The following KCNAB2 variants were observed in gnomAD, a reference collection of about 807,000 sequenced individuals.
KCNAB2 encodes the protein voltage-gated potassium channel subunit beta-2.
Under a neutral mutation model 63.6 loss-of-function variants are expected in KCNAB2, and 29 were observed. The observed-to-expected ratio is 0.46, with a 90% CI of 0.34 to 0.62. KCNAB2 has a LOEUF of 0.62. Ranked by LOEUF, KCNAB2 falls within the 20% of genes least tolerant of loss-of-function variation. The pLI is 0.01. For missense variants in KCNAB2, 359 were observed against 563.9 expected (o/e 0.64, Z 3.68); for synonymous variants, 222 against 224.2 (o/e 0.99, Z 0.09).
chr1:6,091,338 TTC>T, intron 10 of KCNAB2, 31 bp downstream of exon 10: 1 of 1,465,276 alleles, frequency 6.8e-7, no homozygotes, highest in Non-Finnish European at 9.2e-7. Flanking sequence ...GACTATTGAC[TTC>T]TGTGTCCAAG....
At chr1:6,067,788 G>A (rs1398264915) in intron 2 of KCNAB2, among the ~76,000 whole-genome samples, 2 of 152,182 alleles carry the variant, frequency 1.3e-5, no homozygotes, top group Admixed American at 1.3e-4. Context: ...CCAGCACTTT[G>A]GGAGACTGAG....
At chr1:5,997,326 AG>A (rs1313671097) in intron 1 of KCNAB2, among the ~76,000 whole-genome samples, 1 of 152,042 alleles carries the variant, frequency 6.6e-6, no homozygotes, top group Non-Finnish European at 1.5e-5. Flanking sequence ...AGAAGGATGG[AG>A]GGAAGGAAGG....
chr1:6,097,175 T>C (rs919605538), intron 14 of KCNAB2, 94 bp from the exon 15 acceptor site: 2 of 1,363,788 alleles, frequency 1.5e-6, no homozygotes, highest in African/African-American at 1.5e-5. Flanking sequence ...CAGACCAAGA[T>C]GCTGGGTCTC....
upstream of KCNAB2, among the ~76,000 whole-genome samples, chr1:6,043,322 T>G (rs1660657260): frequency 6.6e-6 from 1 of 152,084 alleles, no homozygotes; most frequent in African/African-American, 2.4e-5. Flanking sequence ...GGCCTGCCCC[T>G]AGGAGGGGCC....
At chr1:6,057,223 A>G (rs1201856377) in intron 2 of KCNAB2, among the ~76,000 whole-genome samples, 1 of 151,772 alleles carries the variant, frequency 6.6e-6, no homozygotes, top group Non-Finnish European at 1.5e-5. Flanking sequence ...ACCCTTGGTC[A>G]TGAACTCCTG....
intron 1 of KCNAB2, among the ~76,000 whole-genome samples, chr1:6,002,986 C>A (rs544868606): frequency 0.02 from 3,078 of 152,310 alleles, 56 homozygotes; most frequent in Admixed American, 0.038. Flanking sequence ...GTCTCTGTGT[C>A]CCGGGTGAGA....
At chr1:6,031,623 A>G (rs141049624), upstream of KCNAB2, among the ~76,000 whole-genome samples, 1,545 of 152,068 alleles carry the variant, frequency 0.01, 26 homozygotes, top group African/African-American at 0.036. The surrounding 1 kb of genome is among the most constrained non-coding windows in gnomAD (Gnocchi z 4.1). Flanking sequence ...GCAGTGGCTC[A>G]CGCCTGTAAT....
At chr1:6,010,674 G>A (rs1347775609) in intron 1 of KCNAB2, among the ~76,000 whole-genome samples, 5 of 152,214 alleles carry the variant, frequency 3.3e-5, no homozygotes, top group African/African-American at 1.2e-4. Flanking sequence ...CCTCGTCCCT[G>A]CTCAGGTGAA....
At chr1:6,040,399 A>G (rs185031347) in intron 1 of KCNAB2, 10,463 of 642,106 alleles carry the variant, frequency 0.016, 448 homozygotes, top group East Asian at 0.15. Flanking sequence ...GGGCTCCCCG[A>G]TGCCCTGAAC....
chr1:6,095,464 C>T (rs771284905), intron 12 of KCNAB2, 21 bp downstream of exon 12: 34 of 1,611,366 alleles, frequency 2.1e-5, no homozygotes, highest in Admixed American at 3.3e-5. Flanking sequence ...TCGGGCCCCT[C>T]GCCCCGCCCC....
intron 1 of KCNAB2, among the ~76,000 whole-genome samples, chr1:6,048,646 G>C (rs985934681): frequency 1.3e-5 from 2 of 152,248 alleles, no homozygotes; most frequent in Non-Finnish European, 2.9e-5. Flanking sequence ...CAGCCTGGTC[G>C]GGCCAGGCAG....
At chr1:5,997,352 G>A (rs935686116) in intron 1 of KCNAB2, among the ~76,000 whole-genome samples, 36 of 152,134 alleles carry the variant, frequency 2.4e-4, no homozygotes, top group Admixed American at 7.8e-4. Context: ...GAGAGGGCAG[G>A]AGGGGAGAGC....
intron 1 of KCNAB2, among the ~76,000 whole-genome samples, chr1:6,049,500 GC>G (rs1049105823): frequency 5.3e-5 from 8 of 152,138 alleles, no homozygotes; most frequent in Admixed American, 3.3e-4. Flanking sequence ...GGGAAACGCA[GC>G]CCCCCCACCC....
chr1:6,004,771 A>C (rs753857749), intron 1 of KCNAB2, among the ~76,000 whole-genome samples: 18 of 152,150 alleles, frequency 1.2e-4, no homozygotes, highest in Non-Finnish European at 2.1e-4. Context: ...TGGGATTATG[A>C]CTTGGGTGGA....
intron 1 of KCNAB2, among the ~76,000 whole-genome samples, chr1:6,022,699 G>A (rs891636091): frequency 1.3e-5 from 2 of 151,978 alleles, no homozygotes; most frequent in African/African-American, 4.8e-5. Flanking sequence ...CTCTAGGCAC[G>A]TGACTACTCT....
At chr1:6,016,483 A>G (rs180724514) in intron 1 of KCNAB2, among the ~76,000 whole-genome samples, 24 of 152,356 alleles carry the variant, frequency 1.6e-4, no homozygotes, top group African/African-American at 4.8e-4. Flanking sequence ...GCATCCTTTC[A>G]ATAGACCGTG....
rs1172915936 is a variant in KCNAB2, at chr1:6,092,508, T to C, written c.646+1201T>C. On this transcript the variant is annotated intron_variant, in intron 10 of 15. Coordinates refer to ENST00000378083, the MANE Select transcript of KCNAB2 (RefSeq NM_001199862.2). ...GGCCTTGGGGGCCTTGGCTTCCCTC[T>C]GTCTGGCATGTGGACCTAAGCCTTG... 3.9e-5 allele frequency among the ~76,000 whole-genome samples: 6 copies of C among 152,352 alleles called. No homozygotes were observed. The East Asian group carries it at 5.8e-4, about 15-fold the overall frequency.
At chr1:6,095,068 TGTGTG>T (rs1557515435) in intron 11 of KCNAB2, among the ~76,000 whole-genome samples, 1 of 152,240 alleles carries the variant, frequency 6.6e-6, no homozygotes, top group Admixed American at 6.5e-5. Context: ...ACATCCAGGC[TGTGTG>T]GTTCAGAGCC....
At chr1:6,014,585 C>T (rs919144023) in intron 1 of KCNAB2, among the ~76,000 whole-genome samples, 1 of 152,342 alleles carries the variant, frequency 6.6e-6, no homozygotes, top group Non-Finnish European at 1.5e-5. Context: ...CAGCTGTCCT[C>T]GGCTCTCTGC....
Sources: gnomAD v4.1 joint callset for allele counts (sites outside exome capture counted in the v4.1 genomes callset) on GRCh38, gnomAD v4.1.1 for gene constraint, Gnocchi (gnomAD v3.1) non-coding constraint, MANE v1.5 for transcripts, NCBI Gene and HGNC (gene_info 2026-07-23, HGNC 2026-07-21) for gene names.